The following BARX2 variants were observed in gnomAD, a reference collection of about 807,000 sequenced individuals.
BARX2 encodes homeobox protein BarH-like 2.
A neutral mutation model predicts 25.5 loss-of-function variants in BARX2; 11 were observed. The ratio of observed to expected loss-of-function variants is 0.43; its 90% confidence interval spans 0.27 to 0.71. The LOEUF (loss-of-function observed/expected upper bound fraction) is 0.71, where lower values mean the gene tolerates loss of function less well. BARX2 is among the 30% of genes least tolerant of loss of function. BARX2 has a pLI of 0.19. For synonymous variants in BARX2, 137 were observed against 149.5 expected (o/e 0.92, Z 0.61); for missense variants, 360 against 359.9 (o/e 1.00, Z 0.00).
chr11:129,445,026 T>TA (rs1862308322), intron 3 of BARX2, among the ~76,000 whole-genome samples: 1 of 151,458 alleles, frequency 6.6e-6, no homozygotes, highest in Non-Finnish European at 1.5e-5. Flanking sequence ...AATAAATAAA[T>TA]AAATAATAAA....
At chr11:129,406,662 G>A (rs943409790) in intron 1 of BARX2, among the ~76,000 whole-genome samples, 1 of 152,178 alleles carries the variant, frequency 6.6e-6, no homozygotes, top group Non-Finnish European at 1.5e-5. Flanking sequence ...CCTGAAGGAG[G>A]TGGACCCCCC....
At chr11:129,385,863 A>G (rs1489139758) in intron 1 of BARX2, among the ~76,000 whole-genome samples, 1 of 152,204 alleles carries the variant, frequency 6.6e-6, no homozygotes, top group African/African-American at 2.4e-5. Context: ...CAGAACTCTT[A>G]ATCTTGTGGA....
Position 129,375,918 on chromosome 11 carries a change from C to T in BARX2, c.-118C>T. On this transcript the variant is annotated 5_prime_UTR_variant, in exon 1 of 4. Transcript: ENST00000281437. The surrounding 1 kb of genome is among the most constrained non-coding windows in gnomAD (Gnocchi z 4.0). ...CCTCCGCGCGCCACCCGAGCCCCGC[C>T]GCCTCCCCAGCTGCCGGGAGCGGGG... The T allele has an allele frequency of 3.9e-6, 2 of 519,398 alleles. No homozygotes were observed. Among genetic ancestry groups the T allele is most frequent in the Non-Finnish European group, 2.5e-6 (1 of 404,236 alleles). 32.2% of individuals were successfully genotyped at this position (519,398 alleles called of 1,614,324 possible). A position where few individuals can be genotyped will look rare whatever the true frequency, so the allele number is the denominator to read the frequency against.
In BARX2 at chr11:129,436,919, G is replaced by T; in HGVS notation, c.356G>T (p.Ser119Ile). The change falls in exon 2 of 4, where the codon AGC becomes ATC. Residue 119 changes from serine (S) to isoleucine (I), a missense_variant. Around this residue, in one of 3 missense-constraint regions of BARX2, gnomAD observed 240 missense variants for 228.7 expected, o/e 1.05. Transcript: ENST00000281437. This position sits in a 1 kb window ranked among gnomAD's most constrained non-coding sequence, Gnocchi z 4.5. ...EAPGGEALAS[S>I]ESETEQPTPR... ...CCAGGGGGCGAGGCCCTAGCCAGCA[G>T]CGAGTCAGAGACGGAACAGCCCACG... is the stretch of plus-strand genomic sequence containing the variant. The T allele has an allele frequency of 6.2e-7, 1 of 1,613,944 alleles. No homozygotes were observed. Among genetic ancestry groups the T allele is most frequent in the African/African-American group, 1.3e-5 (1 of 75,066 alleles).
chr11:129,411,325 C>T (rs925581702), intron 1 of BARX2, among the ~76,000 whole-genome samples: 10 of 142,232 alleles, frequency 7.0e-5, no homozygotes, highest in Non-Finnish European at 1.2e-4. Context: ...GAGCTGAGAT[C>T]GTGCCACTGC....
At chr11:129,394,030 A>G (rs1459824073) in intron 1 of BARX2, among the ~76,000 whole-genome samples, 1 of 152,030 alleles carries the variant, frequency 6.6e-6, no homozygotes, top group East Asian at 1.9e-4. Context: ...TCTCTCCCCC[A>G]TTAGAGGTCA....
At chr11:129,413,487 A>G (rs1264272624) in intron 1 of BARX2, among the ~76,000 whole-genome samples, 1 of 152,198 alleles carries the variant, frequency 6.6e-6, no homozygotes, top group Non-Finnish European at 1.5e-5. Context: ...GCCCAGTTCA[A>G]TTTGTCAGGG....
chr11:129,434,421 T>TAA (rs56344103), intron 1 of BARX2, among the ~76,000 whole-genome samples: 75 of 75,848 alleles, frequency 9.9e-4, no homozygotes, highest in Admixed American at 1.9e-3. Context: ...AAAAAGTAAG[T>TAA]AAAAAAAAAA....
Position 129,450,388 on chromosome 11 carries a change from G to A in BARX2, c.574-748G>A, listed in dbSNP as rs981198994. 3.3e-5 allele frequency among the ~76,000 whole-genome samples: 5 copies of A among 152,316 alleles called. No homozygotes were observed. The East Asian group carries it at 9.6e-4, about 29-fold the overall frequency. On this transcript the variant is annotated intron_variant, in intron 3 of 3. Coordinates refer to ENST00000281437, the MANE Select transcript of BARX2 (RefSeq NM_003658.5). ...TACAGATCACTGCAGACAAGGTGGT[G>A]TATAGGTTGTCTAGCCTCCAAACTG...
At chr11:129,442,690 C>T (rs578110378) in intron 2 of BARX2, 145 bp from the exon 3 acceptor site, 33 of 754,962 alleles carry the variant, frequency 4.4e-5, no homozygotes, top group Middle Eastern at 3.1e-4. Flanking sequence ...GAAAGAAAAG[C>T]GCTTTGGGGA....
intron 1 of BARX2, among the ~76,000 whole-genome samples, chr11:129,377,964 G>C (rs1428738156): frequency 6.6e-6 from 1 of 152,208 alleles, no homozygotes; most frequent in East Asian, 1.9e-4. Context: ...AGTCAGAGGT[G>C]GCTGAGTAAG....
intron 1 of BARX2, among the ~76,000 whole-genome samples, chr11:129,433,008 C>T (rs1035895912): frequency 6.6e-6 from 1 of 152,094 alleles, no homozygotes; most frequent in Admixed American, 6.6e-5. Context: ...TCATGCAATC[C>T]CATGGTCCAA....
At position 129,440,256 on chromosome 11, in the gene BARX2, G is replaced by A. The variant is rs570720584; in HGVS notation, c.489-2579G>A. Among the ~76,000 whole-genome samples the A allele has an allele frequency of 1.1e-3, 173 of 152,378 alleles. 1 individual carries two copies. Among genetic ancestry groups the A allele is most frequent in the African/African-American group, 4.0e-3 (168 of 41,594 alleles). ...GCTGATGACAGTGAAGCATGTTTCT[G>A]TAGCCAGAGTGAGTCAGGGCTGCAT... is the stretch of plus-strand genomic sequence containing the variant. On this transcript the variant is annotated intron_variant, in intron 2 of 3. Transcript: ENST00000281437.
At chr11:129,387,248 G>T (rs1028596078) in intron 1 of BARX2, among the ~76,000 whole-genome samples, 6 of 152,108 alleles carry the variant, frequency 3.9e-5, no homozygotes, top group African/African-American at 1.4e-4. Flanking sequence ...TGTCAATATA[G>T]GAAACATTAT....
intron 1 of BARX2, among the ~76,000 whole-genome samples, chr11:129,395,700 G>C (rs549176962): frequency 1.3e-5 from 2 of 152,120 alleles, no homozygotes; most frequent in East Asian, 3.9e-4. Flanking sequence ...TTGCCTGGGG[G>C]TGGGTTTTGA....
At chr11:129,388,093 C>CTGTG (rs34835803) in intron 1 of BARX2, among the ~76,000 whole-genome samples, 17,339 of 146,908 alleles carry the variant, frequency 0.12, 1,134 homozygotes, top group Middle Eastern at 0.17. Flanking sequence ...AGGCAACATA[C>CTGTG]TGTGTGTGTG....
intron 1 of BARX2, among the ~76,000 whole-genome samples, chr11:129,378,420 C>T (rs1038964489): frequency 6.6e-6 from 1 of 152,060 alleles, no homozygotes; most frequent in Non-Finnish European, 1.5e-5. Flanking sequence ...ACTTTCAAAG[C>T]ATTTTTGTTT....
chr11:129,448,474 A>G (rs1359673134), intron 3 of BARX2, among the ~76,000 whole-genome samples: 7 of 152,226 alleles, frequency 4.6e-5, no homozygotes, highest in South Asian at 2.1e-4. Flanking sequence ...TGAATAGACA[A>G]TTTCTCCAAT....
intron 1 of BARX2, among the ~76,000 whole-genome samples, chr11:129,397,148 G>T (rs1351837788): frequency 6.6e-6 from 1 of 152,074 alleles, no homozygotes; most frequent in Non-Finnish European, 1.5e-5. Flanking sequence ...GCCGGGCGTG[G>T]TGGTATGTGC....
Sources: allele counts gnomAD v4.1 joint callset (sites outside exome capture counted in the v4.1 genomes callset), GRCh38; gene constraint gnomAD v4.1.1; regional missense constraint gnomAD v4.1.1; non-coding constraint Gnocchi (gnomAD v3.1); transcripts MANE v1.5; gene names NCBI Gene and HGNC (gene_info 2026-07-23, HGNC 2026-07-21).